The following IL22RA1 variants were observed in gnomAD, a reference collection of about 807,000 sequenced individuals.
IL22RA1 encodes interleukin 22 receptor subunit alpha 1, also known as interleukin-22 receptor subunit alpha-1.
A neutral mutation model predicts 32.8 loss-of-function variants in IL22RA1; 25 were observed. The observed-to-expected ratio is 0.76, with a 90% CI of 0.55 to 1.06. The LOEUF (loss-of-function observed/expected upper bound fraction) is 1.06. IL22RA1 is among the 50% of genes least tolerant of loss of function. The pLI, the probability that IL22RA1 is intolerant of heterozygous loss-of-function variation, is 0.00. For missense variants in IL22RA1, 709 were observed against 727.4 expected, an observed-to-expected ratio of 0.97 and a Z score of 0.29; for synonymous variants, 305 against 305.0, an observed-to-expected ratio of 1.00 and a Z score of 0.00.
In IL22RA1 at chr1:24,137,187, C is replaced by G; in HGVS notation, c.299G>C (p.Ser100Thr). ...ELYYARVTAVSAGGRSATKMT... is the reference protein window; with the variant it reads ...ELYYARVTAVTAGGRSATKMT... ...CTTGGTGGCTGACCGGCCTCCCGCA[C>G]TGACAGCGGTGACCCTGGCATAGTA... is the stretch of plus-strand genomic sequence containing the variant. The change falls in exon 3 of 7, where the codon AGT (serine) becomes ACT (threonine). Residue 100 changes from serine (S) to threonine (T), a missense_variant. Transcript: ENST00000270800. The G allele has an allele frequency of 1.2e-6, 2 of 1,614,174 alleles. No individual in the cohort carries two copies. Among genetic ancestry groups the G allele is most frequent in the Non-Finnish European group, 8.5e-7 (1 of 1,180,022 alleles).
intron 1 of IL22RA1, among the ~76,000 whole-genome samples, chr1:24,139,155 T>C (rs1177317453): frequency 6.6e-6 from 1 of 152,222 alleles, no homozygotes; most frequent in Middle Eastern, 3.2e-3. Flanking sequence ...CAACCACGAA[T>C]CTACTTCCTG....
rs764983755 is a variant in IL22RA1 at position 24,123,384 on chromosome 1, A to G, written c.710T>C (p.Phe237Ser). Residue 237 changes from phenylalanine to serine, a missense_variant, in exon 6 of 7, where the codon TTC (phenylalanine) becomes TCC (serine). Coordinates refer to ENST00000270800, the MANE Select transcript of IL22RA1 (RefSeq NM_021258.4). ...TACTGCGACGAGGAAGCCCATGGAG[A>G]ACAGGAAGGCTCCGGAGAAGGAGTA... ...WTYSFSGAFL[F>S]SMGFLVAVLC... The G allele has an allele frequency of 1.2e-6, 2 of 1,613,886 alleles. No individual in the cohort carries two copies. The highest frequency in any genetic ancestry group is 1.3e-5 in the African/African-American group (1 of 74,916).
chr1:24,134,153 A>G (rs1569575521), intron 4 of IL22RA1, 58 bp downstream of exon 4: 2 of 1,460,986 alleles, frequency 1.4e-6, no homozygotes, highest in Admixed American at 2.1e-5. Flanking sequence ...ACTCAGATCT[A>G]ATTGGGAGGG....
chr1:24,135,633 T>A (rs1644236455), intron 3 of IL22RA1, among the ~76,000 whole-genome samples: 1 of 152,176 alleles, frequency 6.6e-6, no homozygotes, highest in Admixed American at 6.6e-5. Context: ...CAGTTCCACA[T>A]GGCTGGGGAG....
chr1:24,131,073 G>A (rs992384811), intron 4 of IL22RA1, among the ~76,000 whole-genome samples: 1 of 152,128 alleles, frequency 6.6e-6, no homozygotes, highest in African/African-American at 2.4e-5. Flanking sequence ...CATATTGAAT[G>A]AATGAATAGA....
rs2148569844 is a variant in IL22RA1, at chr1:24,123,410, G to T, written c.684C>A (p.Thr228=). The change falls in exon 6 of 7, where the codon ACC becomes ACA. Residue 228 remains threonine (T), a synonymous_variant. Coordinates refer to ENST00000270800, the MANE Select transcript of IL22RA1 (RefSeq NM_021258.4). Reference sequence around the variant, plus strand: ...ACAGGAAGGCTCCGGAGAAGGAGTAGGTCCATGTCCGGTCTGGGAAACCAA... The same window carrying T: ...ACAGGAAGGCTCCGGAGAAGGAGTATGTCCATGTCCGGTCTGGGAAACCAA... ...RVKTLPDRTW[T]YSFSGAFLFS... The T allele has an allele frequency of 6.2e-7, 1 of 1,613,692 alleles. No homozygotes were observed. Among genetic ancestry groups the T allele is most frequent in the Non-Finnish European group, 8.5e-7 (1 of 1,179,860 alleles).
intron 1 of IL22RA1, among the ~76,000 whole-genome samples, chr1:24,142,250 C>T (rs929214228): frequency 1.3e-5 from 2 of 152,228 alleles, no homozygotes; most frequent in African/African-American, 4.8e-5. Context: ...GGGCCTCGTC[C>T]TGCACTTGAG....
At chr1:24,137,970 C>G (rs1644254159) in intron 2 of IL22RA1, among the ~76,000 whole-genome samples, 1 of 152,102 alleles carries the variant, frequency 6.6e-6, no homozygotes, top group African/African-American at 2.4e-5. Context: ...GATGTGGGCC[C>G]TGTTATCCCC....
In IL22RA1 at chr1:24,121,476, C is replaced by A; in HGVS notation, c.1054G>T (p.Ala352Ser). ...CCGACCTCAGGGGCAGCGTTTGGGG[C>A]ATAGGACAGTGGGGAGAGGATCTGG... Reference protein sequence around the residue: ...PPQILSPLSYAPNAAPEVGPP... With the variant: ...PPQILSPLSYSPNAAPEVGPP... The change falls in exon 7 of 7, where the codon GCC becomes TCC. Residue 352 changes from alanine (A) to serine (S), a missense_variant. By Grantham distance (99) the Ala-to-Ser change is moderately conservative. Coordinates refer to ENST00000270800, the MANE Select transcript of IL22RA1 (RefSeq NM_021258.4). 6.4e-7 allele frequency: 1 copy of A among 1,558,856 alleles called. No individual in the cohort carries two copies. The highest frequency in any genetic ancestry group is 8.7e-7 in the Non-Finnish European group (1 of 1,149,372).
At chr1:24,134,486 C>G in intron 3 of IL22RA1, 100 bp from the exon 4 acceptor site, 1 of 825,114 alleles carries the variant, frequency 1.2e-6, no homozygotes, top group Admixed American at 3.8e-5. Context: ...TCCCTCTCTC[C>G]TTCCACTCCA....
intron 4 of IL22RA1, among the ~76,000 whole-genome samples, chr1:24,132,477 G>A (rs562416236): frequency 1.7e-4 from 26 of 151,604 alleles, no homozygotes; most frequent in African/African-American, 5.8e-4. Flanking sequence ...GACTACAGGC[G>A]CCCACTACCA....
chr1:24,127,505 G>T (rs1042148412), intron 5 of IL22RA1, among the ~76,000 whole-genome samples: 3 of 151,972 alleles, frequency 2.0e-5, no homozygotes, highest in Non-Finnish European at 4.4e-5. Flanking sequence ...TGGAGATGGG[G>T]TTTTGCCCTG....
Position 24,138,685 on chromosome 1 carries a change from G to A in IL22RA1, c.73C>T (p.Leu25Phe). The change falls in exon 2 of 7, where the codon CTC becomes TTC. Residue 25 changes from leucine (L) to phenylalanine (F), a missense_variant. Coordinates refer to ENST00000270800, the MANE Select transcript of IL22RA1 (RefSeq NM_021258.4). ...AHAPEDPSDL[L>F]QHVKFQSSNF... ...CTGGACTGGAATTTCACGTGCTGGA[G>A]CAGATCCGAGGGGTCCTCAGGGGCG... is the stretch of plus-strand genomic sequence containing the variant. The A allele has an allele frequency of 6.2e-7, 1 of 1,614,222 alleles. No homozygotes were observed. Among genetic ancestry groups the A allele is most frequent in the Non-Finnish European group, 8.5e-7 (1 of 1,180,030 alleles).
chr1:24,122,670 T>C (rs1468437984), intron 6 of IL22RA1, among the ~76,000 whole-genome samples: 1 of 151,878 alleles, frequency 6.6e-6, no homozygotes, highest in Non-Finnish European at 1.5e-5. Flanking sequence ...TGGTGGTGCA[T>C]GCCTGTAATC....
chr1:24,123,929 T>C (rs1644144562), intron 5 of IL22RA1, among the ~76,000 whole-genome samples: 1 of 152,234 alleles, frequency 6.6e-6, no homozygotes, highest in South Asian at 2.1e-4. Context: ...GCCAAGGGTC[T>C]GCACTACATG....
At chr1:24,125,413 C>G (rs1644154015) in intron 5 of IL22RA1, among the ~76,000 whole-genome samples, 1 of 152,220 alleles carries the variant, frequency 6.6e-6, no homozygotes, top group South Asian at 2.1e-4. Context: ...CCCTTAGAGC[C>G]TCTTCCGTCA....
At position 24,128,172 on chromosome 1, in the gene IL22RA1, G is replaced by C; in HGVS notation, c.639C>G (p.Ala213=). The change falls in exon 5 of 7, where the codon GCC becomes GCG. Residue 213 remains alanine, a synonymous_variant. Transcript: ENST00000270800. ...ICVPTWAKES[A]PYMCRVKTLP... ...GTGTCTTCACTCGGCACATGTAGGG[G>C]GCACTCTCCTTGGCCCAGGTGGGAA... The C allele has an allele frequency of 1.3e-6, 2 of 1,581,418 alleles. No homozygotes were observed. Among genetic ancestry groups the C allele is most frequent in the Non-Finnish European group, 1.7e-6 (2 of 1,163,312 alleles).
At chr1:24,124,284 C>T (rs1644146881) in intron 5 of IL22RA1, among the ~76,000 whole-genome samples, 1 of 152,120 alleles carries the variant, frequency 6.6e-6, no homozygotes, top group Non-Finnish European at 1.5e-5. Flanking sequence ...CTCTCCACCT[C>T]CCTACCAAGA....
chr1:24,142,123 G>A lies in IL22RA1; in HGVS notation c.43+917C>T, dbSNP rs548082263. Among the ~76,000 whole-genome samples, 7 of 152,262 alleles carry A rather than the reference G, an allele frequency of 4.6e-5. 1 individual carries two copies. The South Asian group carries it at 8.3e-4, about 18-fold the overall frequency. Reference sequence around the variant, plus strand: ...GGGGTGCCTCACATCTTCCTGGAACGCCCAGCTTGATGCTGGGAAGCAGAC... The same window carrying A: ...GGGGTGCCTCACATCTTCCTGGAACACCCAGCTTGATGCTGGGAAGCAGAC... On this transcript the variant is annotated intron_variant, in intron 1 of 6. Coordinates refer to ENST00000270800, the MANE Select transcript of IL22RA1 (RefSeq NM_021258.4).
Sources: allele counts gnomAD v4.1 joint callset (sites outside exome capture counted in the v4.1 genomes callset), GRCh38; gene constraint gnomAD v4.1.1; transcripts MANE v1.5; gene names NCBI Gene and HGNC (gene_info 2026-07-23, HGNC 2026-07-21).